Variants in CTIF observed in about 807,000 individuals in gnomAD.
CTIF encodes the protein CBP80/20-dependent translation initiation factor.
CTIF carries 21 observed loss-of-function variants against 66.0 expected under a neutral mutation model. That is an observed-to-expected ratio of 0.32 (90% CI 0.23 to 0.46). The LOEUF (loss-of-function observed/expected upper bound fraction) is 0.46, where lower values mean the gene tolerates loss of function less well. Ranked by LOEUF, CTIF falls within the 20% of genes least tolerant of loss-of-function variation. The pLI is 1.00. For missense variants in CTIF, 739 were observed against 812.7 expected, an observed-to-expected ratio of 0.91 and a Z score of 1.10; for synonymous variants, 345 against 326.4, an observed-to-expected ratio of 1.06 and a Z score of -0.62.
chr18:48,855,534 G>T (rs1328412266), intron 10 of CTIF, among the ~76,000 whole-genome samples: 1 of 152,242 alleles, frequency 6.6e-6, no homozygotes, highest in Non-Finnish European at 1.5e-5. Flanking sequence ...ACTAGGTGAT[G>T]CTCTCGAGTT....
rs142767070 is a variant in CTIF at position 48,547,613 on chromosome 18, A to G, written c.-29+8301A>G. ...AAAGGCCTTGTACTGAGCTCTGGCC[A>G]CCCTCCTCGCTGGCCATTTTCACCC... is the stretch of plus-strand genomic sequence containing the variant. On this transcript the variant is annotated intron_variant, in intron 1 of 11. Coordinates refer to ENST00000256413, the MANE Select transcript of CTIF (RefSeq NM_014772.3). Among the ~76,000 whole-genome samples, 476 of 151,740 alleles carry G rather than the reference A, an allele frequency of 3.1e-3. 2 individuals carry two copies. Among genetic ancestry groups the G allele is most frequent in the African/African-American group, 0.011 (437 of 41,316 alleles).
chr18:48,591,177 T>C (rs1002123774), intron 1 of CTIF, among the ~76,000 whole-genome samples: 8 of 152,182 alleles, frequency 5.3e-5, no homozygotes, highest in Admixed American at 3.9e-4. Context: ...TCATGTTCTA[T>C]AGCTCAGATC....
chr18:48,853,823 A>G (rs749678026), intron 10 of CTIF, among the ~76,000 whole-genome samples: 10 of 152,222 alleles, frequency 6.6e-5, no homozygotes, highest in Non-Finnish European at 1.3e-4. Context: ...GACAGGAGAC[A>G]GGAAGAATTA....
chr18:48,555,549 C>T (rs1390609970), intron 1 of CTIF, among the ~76,000 whole-genome samples: 3 of 152,216 alleles, frequency 2.0e-5, no homozygotes, highest in Non-Finnish European at 4.4e-5. Flanking sequence ...ATGCAGGCTC[C>T]TACCCCTGAA....
At position 48,546,347 on chromosome 18, in the gene CTIF, A is replaced by T. The variant is rs187656371; in HGVS notation, c.-29+7035A>T. Among the ~76,000 whole-genome samples the T allele has an allele frequency of 3.4e-3, 523 of 152,214 alleles. 4 individuals carry two copies. Among genetic ancestry groups the T allele is most frequent in the Non-Finnish European group, 6.2e-3 (423 of 68,016 alleles). On this transcript the variant is annotated intron_variant, in intron 1 of 11. Transcript: ENST00000256413. ...AGTCTATGTTTGTGGATCTGCAGGG[A>T]TGTACCCAGAGTTAGTCGTCTGGGG...
At chr18:48,575,104 G>C (rs1044675945) in intron 1 of CTIF, among the ~76,000 whole-genome samples, 5 of 152,196 alleles carry the variant, frequency 3.3e-5, no homozygotes, top group South Asian at 2.1e-4. Flanking sequence ...CAGGGTCCAG[G>C]GTGCAGGGGA....
chr18:48,689,013 C>A (rs984736162), intron 6 of CTIF, among the ~76,000 whole-genome samples: 1 of 152,230 alleles, frequency 6.6e-6, no homozygotes. Context: ...CTCCTCAGCC[C>A]CGCCATGCCG....
intron 7 of CTIF, among the ~76,000 whole-genome samples, chr18:48,743,222 G>C (rs887379517): frequency 1.3e-5 from 2 of 152,120 alleles, no homozygotes; most frequent in Non-Finnish European, 2.9e-5. Flanking sequence ...TCACAACCCC[G>C]GGCTGGAGGC....
chr18:48,742,035 A>G (rs1005496655), intron 7 of CTIF, among the ~76,000 whole-genome samples: 1 of 152,218 alleles, frequency 6.6e-6, no homozygotes. Context: ...AAAGCCAGGC[A>G]GGGGCAGAAG....
chr18:48,852,602 G>A (rs2069232231), intron 10 of CTIF, among the ~76,000 whole-genome samples: 1 of 152,324 alleles, frequency 6.6e-6, no homozygotes, highest in South Asian at 2.1e-4. Flanking sequence ...CTCTCCTTGG[G>A]GATCCGCAGA....
intron 9 of CTIF, among the ~76,000 whole-genome samples, chr18:48,810,708 T>C (rs1417370805): frequency 6.6e-6 from 1 of 151,776 alleles, no homozygotes; most frequent in African/African-American, 2.4e-5. Flanking sequence ...CTGGTTTTTT[T>C]CCTATGTTTC....
rs1034541660 is a variant in CTIF, at chr18:48,705,348, C to G, written c.508-6271C>G. On this transcript the variant is annotated intron_variant, in intron 6 of 11. Transcript: ENST00000256413. ...AAACACTGCCTCCGTCTTCACATGG[C>G]CTTCATCCCTCTGTGTCTCCTCCAT... Among the ~76,000 whole-genome samples, 12 of 152,330 alleles carry G rather than the reference C, an allele frequency of 7.9e-5. No individual in the cohort carries two copies. The East Asian group carries it at 2.1e-3, about 27-fold the overall frequency.
intron 9 of CTIF, among the ~76,000 whole-genome samples, chr18:48,802,474 C>G (rs2068067910): frequency 6.6e-6 from 1 of 152,232 alleles, no homozygotes. Context: ...CCTTTTCAAA[C>G]TTGATGCCTT....
intron 3 of CTIF, among the ~76,000 whole-genome samples, chr18:48,654,648 C>T (rs1370166059): frequency 6.6e-6 from 1 of 152,184 alleles, no homozygotes; most frequent in Non-Finnish European, 1.5e-5. Flanking sequence ...GATTATAAAT[C>T]ATGCTACTAT....
chr18:48,856,449 C>T (rs987442378), intron 10 of CTIF, among the ~76,000 whole-genome samples: 1 of 152,188 alleles, frequency 6.6e-6, no homozygotes, highest in Non-Finnish European at 1.5e-5. Context: ...CAGGAAAAGC[C>T]TGGTACACGA....
At position 48,577,526 on chromosome 18, in the gene CTIF, A is replaced by G. The variant is rs368669909; in HGVS notation, c.-29+38214A>G. On this transcript the variant is annotated intron_variant, in intron 1 of 11. Coordinates refer to ENST00000256413, the MANE Select transcript of CTIF (RefSeq NM_014772.3). ...AGCTTTTTTGAGATAAAAAATTCATATAACATAACATTCACCCTTTTGAAG... is the reference window on the plus strand; with the variant it reads ...AGCTTTTTTGAGATAAAAAATTCATGTAACATAACATTCACCCTTTTGAAG... Among the ~76,000 whole-genome samples, 26 of 151,636 alleles carry G rather than the reference A, an allele frequency of 1.7e-4. No homozygotes were observed. In the East Asian group the frequency reaches 1.9e-3, roughly 11 times the overall value.
chr18:48,587,614 A>G (rs1033064623), intron 1 of CTIF, among the ~76,000 whole-genome samples: 6 of 152,166 alleles, frequency 3.9e-5, no homozygotes, highest in African/African-American at 1.4e-4. Context: ...GACTGTGGGC[A>G]AGCCAGCTTT....
intron 10 of CTIF, among the ~76,000 whole-genome samples, chr18:48,839,092 C>A (rs918816617): frequency 1.3e-5 from 2 of 152,206 alleles, no homozygotes; most frequent in Non-Finnish European, 2.9e-5. Context: ...GCAGCTCTTG[C>A]AGATTTTCTT....
intron 1 of CTIF, chr18:48,567,526 G>A (rs1422668987): frequency 6.6e-6 from 1 of 152,206 alleles, no homozygotes; most frequent in Non-Finnish European, 1.5e-5. Flanking sequence ...GACGACGATA[G>A]TTGAGTAATT....
Sources: allele counts gnomAD v4.1 joint callset (sites outside exome capture counted in the v4.1 genomes callset), GRCh38; gene constraint gnomAD v4.1.1; transcripts MANE v1.5; gene names NCBI Gene and HGNC (gene_info 2026-07-23, HGNC 2026-07-21).